CCN4: variants seen among roughly 807,000 people sequenced by gnomAD.
CCN4 encodes the protein CCN family member 4.
A neutral mutation model predicts 36.7 loss-of-function variants in CCN4; 30 were observed. The ratio of observed to expected loss-of-function variants is 0.82; its 90% confidence interval spans 0.61 to 1.11. CCN4 has a LOEUF of 1.11. CCN4 is among the 50% of genes least tolerant of loss of function. CCN4 has a pLI of 0.00. For synonymous variants in CCN4, 191 were observed against 195.4 expected (o/e 0.98, Z 0.19); for missense variants, 505 against 504.9 (o/e 1.00, Z 0.00).
At position 133,231,500 on chromosome 8, in the gene CCN4, G is replaced by A. The variant is rs1302767942; in HGVS notation, c.*3790G>A. The A allele has an allele frequency of 6.6e-6, 1 of 152,202 alleles. No homozygotes were observed. Among genetic ancestry groups the A allele is most frequent in the East Asian group, 1.9e-4 (1 of 5,200 alleles). 9.4% of individuals were successfully genotyped at this position (152,202 alleles called of 1,614,324 possible). On this transcript the variant is annotated 3_prime_UTR_variant, in exon 5 of 5. Coordinates refer to ENST00000250160, the MANE Select transcript of CCN4 (RefSeq NM_003882.4). The stretch of plus-strand genomic sequence containing the variant: ...AGTTCTCATTTTTCTCATGATTTGT[G>A]TAGCGTGGAATGTGTTTGCTCAATG...
At chr8:133,193,860 G>A (rs1046779780) in intron 1 of CCN4, among the ~76,000 whole-genome samples, 2 of 152,130 alleles carry the variant, frequency 1.3e-5, no homozygotes, top group African/African-American at 2.4e-5. Context: ...GTCCCTGCCC[G>A]ACAGAGTTTA....
chr8:133,220,588 C>T lies in CCN4; in HGVS notation c.357C>T (p.Val119=), dbSNP rs771373419. The T allele has an allele frequency of 2.8e-5, 45 of 1,612,010 alleles. No homozygotes were observed. Among genetic ancestry groups the T allele is most frequent in the Non-Finnish European group, 3.6e-5 (43 of 1,178,396 alleles). ...GGCCACCTGTGTTTGCAGAGGTGGT[C>T]GGTGTGGGCTGCGTCCTGGATGGGG... is the stretch of plus-strand genomic sequence containing the variant. The part of the protein sequence containing the change: ...RYAIGVCAQV[V]GVGCVLDGVR... The change falls in exon 3 of 5, where the codon GTC becomes GTT. Residue 119 remains valine, a synonymous_variant. Transcript: ENST00000250160.
chr8:133,206,968 A>G (rs916804729), intron 1 of CCN4, among the ~76,000 whole-genome samples: 1 of 152,172 alleles, frequency 6.6e-6, no homozygotes, highest in Non-Finnish European at 1.5e-5. Context: ...AGGGCCCCAG[A>G]GCAGCTTTGG....
At chr8:133,226,149 T>C (rs756476694) in intron 4 of CCN4, among the ~76,000 whole-genome samples, 2 of 152,242 alleles carry the variant, frequency 1.3e-5, no homozygotes, top group Admixed American at 6.5e-5. Flanking sequence ...CACATTAGTT[T>C]GAGCCCCAGT....
intron 1 of CCN4, among the ~76,000 whole-genome samples, chr8:133,207,824 G>T (rs1219055978): frequency 6.6e-6 from 1 of 152,066 alleles, no homozygotes; most frequent in Non-Finnish European, 1.5e-5. Context: ...CAGATTGGTT[G>T]GGGAAATGAA....
intron 1 of CCN4, among the ~76,000 whole-genome samples, chr8:133,193,701 A>G (rs1322320694): frequency 6.6e-6 from 1 of 152,220 alleles, no homozygotes; most frequent in Non-Finnish European, 1.5e-5. Flanking sequence ...TCCTTAACAG[A>G]TATGAAAACT....
chr8:133,214,523 G>T (rs1854246181), intron 2 of CCN4, among the ~76,000 whole-genome samples: 1 of 151,938 alleles, frequency 6.6e-6, no homozygotes, highest in Non-Finnish European at 1.5e-5. Context: ...TGTTGTTGTT[G>T]TTGTTGTTAG....
At chr8:133,224,470 C>A (rs1316062470) in intron 3 of CCN4, among the ~76,000 whole-genome samples, 2 of 151,754 alleles carry the variant, frequency 1.3e-5, no homozygotes, top group African/African-American at 2.4e-5. Context: ...AAACTCCTGA[C>A]CTCAAGTGAT....
intron 1 of CCN4, among the ~76,000 whole-genome samples, chr8:133,195,766 C>G (rs2130526826): frequency 6.6e-6 from 1 of 152,334 alleles, no homozygotes; most frequent in Non-Finnish European, 1.5e-5. Flanking sequence ...ACAGCAAGCC[C>G]CACCAACCAC....
At chr8:133,216,319 A>C (rs897901632) in intron 2 of CCN4, among the ~76,000 whole-genome samples, 2 of 152,198 alleles carry the variant, frequency 1.3e-5, no homozygotes, top group African/African-American at 4.8e-5. Flanking sequence ...AGAACAAGGC[A>C]GGTAATAAAA....
intron 1 of CCN4, among the ~76,000 whole-genome samples, chr8:133,192,677 AGCTTT>A (rs770103493): frequency 1.4e-4 from 22 of 152,274 alleles, no homozygotes; most frequent in Admixed American, 2.0e-4. Context: ...ATTTGGGTAT[AGCTTT>A]GCAGGTTGCT....
chr8:133,191,177 A>G lies in CCN4; in HGVS notation c.33A>G (p.Ala11=), dbSNP rs1324356821. Residue 11 remains alanine, a synonymous_variant, in exon 1 of 5, where the codon GCA becomes GCG. Transcript: ENST00000250160. ...GGTTCCTGCCCTGGACGCTGGCAGC[A>G]GTGACAGCAGCAGCCGCCAGCACCG... MRWFLPWTLA[A]VTAAAASTVL... 3 of 1,606,014 alleles carry G rather than the reference A, an allele frequency of 1.9e-6. No homozygotes were observed. The African/African-American group carries it at 4.0e-5, about 21-fold the overall frequency.
At chr8:133,200,810 T>C (rs1853562325) in intron 1 of CCN4, among the ~76,000 whole-genome samples, 1 of 152,172 alleles carries the variant, frequency 6.6e-6, no homozygotes, top group African/African-American at 2.4e-5. Context: ...CCCGGGCCCC[T>C]GACTGCCATC....
chr8:133,201,980 C>T lies in CCN4; in HGVS notation c.69+10767C>T, dbSNP rs767588691. Among the ~76,000 whole-genome samples, 7 of 152,292 alleles carry T rather than the reference C, an allele frequency of 4.6e-5. No individual in the cohort carries two copies. The East Asian group carries it at 1.2e-3, about 25-fold the overall frequency. ...AGGGTTCGTTATATTATTCTCTCAA[C>T]GTGGGTGAATATTTAAATATGTCTC... On this transcript the variant is annotated intron_variant, in intron 1 of 4. Coordinates refer to ENST00000250160, the MANE Select transcript of CCN4 (RefSeq NM_003882.4).
Position 133,210,155 on chromosome 8 carries a change from C to T in CCN4, c.70-2709C>T, listed in dbSNP as rs547490901. Among the ~76,000 whole-genome samples, 24 of 152,264 alleles carry T rather than the reference C, an allele frequency of 1.6e-4. No homozygotes were observed. In the East Asian group the frequency reaches 2.1e-3, roughly 14 times the overall value. On this transcript the variant is annotated intron_variant, in intron 1 of 4. Transcript: ENST00000250160. ...TGTGTGCTCTGTGCTGTGTTTCAGG[C>T]GCACAGAGAGATGCAAGGCCCGGGC... is the stretch of plus-strand genomic sequence containing the variant.
intron 1 of CCN4, among the ~76,000 whole-genome samples, chr8:133,207,835 C>T (rs182736781): frequency 3.3e-5 from 5 of 152,258 alleles, no homozygotes; most frequent in South Asian, 2.1e-4. Context: ...GGGAAATGAA[C>T]ATTCACTCAT....
chr8:133,192,256 G>A (rs1853142162), intron 1 of CCN4, among the ~76,000 whole-genome samples: 1 of 152,228 alleles, frequency 6.6e-6, no homozygotes, highest in South Asian at 2.1e-4. Flanking sequence ...GCCAGAATCA[G>A]ACTCTAGGTC....
Position 133,228,729 on chromosome 8 carries a change from A to T in CCN4, c.*1019A>T, listed in dbSNP as rs1165335893. The T allele has an allele frequency of 1.3e-5, 2 of 152,278 alleles. No homozygotes were observed. The highest frequency in any genetic ancestry group is 2.9e-5 in the Non-Finnish European group (2 of 68,114). The allele number at this position is 152,278 out of a possible 1,614,324, so 9.4% of individuals were successfully genotyped here. A position where few individuals can be genotyped will look rare whatever the true frequency, so the allele number is the denominator to read the frequency against. On this transcript the variant is annotated 3_prime_UTR_variant, in exon 5 of 5. Transcript: ENST00000250160. Reference sequence around the variant, plus strand: ...AGGTAGGGGTGTGGGTCAAACCAAGAAGTGGGTGCCCTTGGTAGCAGCCTG... The same window carrying T: ...AGGTAGGGGTGTGGGTCAAACCAAGTAGTGGGTGCCCTTGGTAGCAGCCTG...
intron 2 of CCN4, among the ~76,000 whole-genome samples, chr8:133,215,297 G>T (rs1854278644): frequency 6.6e-6 from 1 of 152,164 alleles, no homozygotes; most frequent in Admixed American, 6.5e-5. Context: ...TTCAAGAATT[G>T]CTGCTAATAT....
Sources: allele counts gnomAD v4.1 joint callset (sites outside exome capture counted in the v4.1 genomes callset), GRCh38; gene constraint gnomAD v4.1.1; transcripts MANE v1.5; gene names NCBI Gene and HGNC (gene_info 2026-07-23, HGNC 2026-07-21).